Variants in SYNE1 observed in about 807,000 individuals in gnomAD.
SYNE1 encodes nesprin-1.
SYNE1 carries 616 observed loss-of-function variants against 1,111.0 expected under a neutral mutation model. The observed-to-expected ratio is 0.55, with a 90% CI of 0.52 to 0.59. The LOEUF (loss-of-function observed/expected upper bound fraction) is 0.59. Ranked by LOEUF, SYNE1 falls within the 20% of genes least tolerant of loss-of-function variation. SYNE1 has a pLI of 0.00. For missense variants in SYNE1, 10,006 were observed against 10,417.0 expected (o/e 0.96, Z 1.72); for synonymous variants, 3,855 against 3,825.8 (o/e 1.01, Z -0.28).
intron 128 of SYNE1, among the ~76,000 whole-genome samples, chr6:152,183,551 A>G (rs908593145): frequency 1.3e-5 from 2 of 152,164 alleles, no homozygotes; most frequent in Admixed American, 1.3e-4. Flanking sequence ...CAGTGAGCCA[A>G]GATCACACCA....
rs56398921 is a variant in SYNE1, at chr6:152,154,445, T to TACACACAC, written c.24129+439_24129+446dup. 2.6e-3 allele frequency among the ~76,000 whole-genome samples: 372 copies of TACACACAC among 143,274 alleles called. 2 individuals carry two copies. The highest frequency in any genetic ancestry group is 8.5e-3 in the African/African-American group (329 of 38,860). 94.0% of individuals were successfully genotyped at this position (143,274 alleles called of 152,430 possible). A position where few individuals can be genotyped will look rare whatever the true frequency, so the allele number is the denominator to read the frequency against. On this transcript the variant is annotated intron_variant, in intron 133 of 145. Transcript: ENST00000367255. ...TTCTAGAGTCAACTCTTTTATCAAATACACACACACACACACACACACACA... is the reference window on the plus strand; with the variant it reads ...TTCTAGAGTCAACTCTTTTATCAAATACACACACACACACACACACACACACACACACA...
At chr6:152,628,797 A>G (rs1163740870) in intron 2 of SYNE1, among the ~76,000 whole-genome samples, 1 of 152,340 alleles carries the variant, frequency 6.6e-6, no homozygotes, top group African/African-American at 2.4e-5. Flanking sequence ...AAAAGAAGAA[A>G]TGTTCACTTT....
chr6:152,553,542 A>G (rs2099354933), intron 3 of SYNE1, among the ~76,000 whole-genome samples: 1 of 152,110 alleles, frequency 6.6e-6, no homozygotes, highest in Non-Finnish European at 1.5e-5. Flanking sequence ...GCTACAAACT[A>G]TAAAGAGTTC....
rs1227006282 is a variant in SYNE1, at chr6:152,294,119, T to C, written c.17691A>G (p.Ala5897=). The change falls in exon 94 of 146, where the codon GCA becomes GCG. Residue 5897 remains alanine (A), a synonymous_variant. Coordinates refer to ENST00000367255, the MANE Select transcript of SYNE1 (RefSeq NM_182961.4). ...NTDASVNQDI[A]YYQALSAERL... ...TCTCAGCAGACAAGGCTTGGTAATA[T>C]GCAATGTCCTGTGAGTGCAAAGCAC... The C allele has an allele frequency of 6.2e-7, 1 of 1,613,450 alleles. No individual in the cohort carries two copies. The highest frequency in any genetic ancestry group is 1.3e-5 in the African/African-American group (1 of 74,882).
intron 78 of SYNE1, among the ~76,000 whole-genome samples, chr6:152,326,956 C>G (rs1015087176): frequency 1.3e-5 from 2 of 152,116 alleles, no homozygotes; most frequent in Non-Finnish European, 2.9e-5. Context: ...ATGTGGCAGA[C>G]TGGATGTTTA....
At chr6:152,230,522 C>T (rs750119827) in intron 115 of SYNE1, 25 bp downstream of exon 115, 9 of 1,611,828 alleles carry the variant, frequency 5.6e-6, no homozygotes, top group South Asian at 1.1e-5. Context: ...TGAGATGGTG[C>T]ATGTTAGCCA....
rs751721851 is a variant in SYNE1 at position 152,359,363 on chromosome 6, T to G, written c.10395A>C (p.Glu3465Asp). The G allele has an allele frequency of 1.2e-6, 2 of 1,614,002 alleles. No individual in the cohort carries two copies. The highest frequency in any genetic ancestry group is 4.5e-5 in the East Asian group (2 of 44,856). Reference sequence around the variant, plus strand: ...TGTATCGTTCCTGTAGATCCTGGAGTTCTAGCTGGGTGACATAGTGTTCTG... The same window carrying G: ...TGTATCGTTCCTGTAGATCCTGGAGGTCTAGCTGGGTGACATAGTGTTCTG... The part of the protein sequence containing the change: ...GMTEHYVTQL[E>D]LQDLQERYRA... Residue 3465 changes from glutamate (E) to aspartate (D), a missense_variant, in exon 65 of 146, where the codon GAA (glutamate) becomes GAC (aspartate). Physicochemically the swap from Glu to Asp is conservative, Grantham distance 45. This residue lies in a region of SYNE1 where 4,955 missense variants were observed against 5,017.2 expected (regional missense o/e 0.99). Coordinates refer to ENST00000367255, the MANE Select transcript of SYNE1 (RefSeq NM_182961.4).
chr6:152,318,209 C>T lies in SYNE1; in HGVS notation c.16444G>A (p.Ala5482Thr). 6.2e-7 allele frequency: 1 copy of T among 1,614,184 alleles called. No individual in the cohort carries two copies. Among genetic ancestry groups the T allele is most frequent in the Admixed American group, 1.7e-5 (1 of 60,016 alleles). Residue 5482 changes from alanine to threonine, a missense_variant, in exon 86 of 146, where the codon GCA becomes ACA. Physicochemically the swap from Ala to Thr is moderately conservative, Grantham distance 58. Coordinates refer to ENST00000367255, the MANE Select transcript of SYNE1 (RefSeq NM_182961.4). Reference sequence around the variant, plus strand: ...TTCTGTTCCAAGAATTTCTGTACTGCTGCATCTAATTCCATTAACTTTGAA... The same window carrying T: ...TTCTGTTCCAAGAATTTCTGTACTGTTGCATCTAATTCCATTAACTTTGAA... Reference protein sequence around the residue: ...CNSKLMELDAAVQKFLEQNGQ... With the variant: ...CNSKLMELDATVQKFLEQNGQ...
chr6:152,168,289 T>C lies in SYNE1; in HGVS notation c.23628-3964A>G, dbSNP rs191791663. 3 of 617,062 alleles carry C rather than the reference T, an allele frequency of 4.9e-6. No individual in the cohort carries two copies. In the East Asian group the frequency reaches 8.2e-5, roughly 17 times the overall value. The allele number at this position is 617,062 out of a possible 1,614,324, so 38.2% of individuals were successfully genotyped here. On this transcript the variant is annotated intron_variant, in intron 130 of 145. Transcript: ENST00000367255. ...ATGAAAGTTTCCCCTTGTCTGTGTA[T>C]AGAAGTATGAAAATGCTCACTGTAG...
intron 58 of SYNE1, 183 bp downstream of exon 58, chr6:152,376,198 A>G: frequency 1.6e-6 from 1 of 612,920 alleles, no homozygotes; most frequent in Non-Finnish European, 2.9e-6. Flanking sequence ...CTGATCTGAC[A>G]GGAGGTGGAG....
chr6:152,467,081 G>C (rs2098774236), intron 16 of SYNE1, among the ~76,000 whole-genome samples: 1 of 151,894 alleles, frequency 6.6e-6, no homozygotes, highest in Non-Finnish European at 1.5e-5. Context: ...ACTGTTTTGA[G>C]ATAACATTTT....
At position 152,483,105 on chromosome 6, in the gene SYNE1, G is replaced by A. The variant is rs75153800; in HGVS notation, c.1330C>T (p.Arg444Trp). 80 of 1,614,164 alleles carry A rather than the reference G, an allele frequency of 5.0e-5. No homozygotes were observed. Among genetic ancestry groups the A allele is most frequent in the Middle Eastern group, 1.6e-4 (1 of 6,062 alleles). The part of the protein sequence containing the change: ...VHEETANTIQ[R>W]KLEQHKDLLQ... ...TTTACCTTATGTTGCTCAAGTTTCCGTTGTATCGTGTTTGCTGTTTCCTCG... is the reference window on the plus strand; with the variant it reads ...TTTACCTTATGTTGCTCAAGTTTCCATTGTATCGTGTTTGCTGTTTCCTCG... The change falls in exon 14 of 146, where the codon CGG (arginine) becomes TGG (tryptophan). Residue 444 changes from arginine (R) to tryptophan (W), a missense_variant. Arg to Trp is a moderately radical substitution (Grantham distance 101, BLOSUM62 -3). Coordinates refer to ENST00000367255, the MANE Select transcript of SYNE1 (RefSeq NM_182961.4).
intron 98 of SYNE1, chr6:152,277,554 C>CT (rs2093735213): frequency 6.2e-6 from 1 of 162,574 alleles, no homozygotes; most frequent in Admixed American, 6.0e-5. Flanking sequence ...TCCCAAAGTG[C>CT]TGGGATTACA....
chr6:152,431,568 TAAG>T (rs1478716274), intron 34 of SYNE1, among the ~76,000 whole-genome samples: 1 of 152,208 alleles, frequency 6.6e-6, no homozygotes, highest in African/African-American at 2.4e-5. Flanking sequence ...TGTTTGTATA[TAAG>T]AAGATGAAAA....
At chr6:152,194,055 G>A (rs1587472733) in intron 127 of SYNE1, among the ~76,000 whole-genome samples, 1 of 150,558 alleles carries the variant, frequency 6.6e-6, no homozygotes, top group African/African-American at 2.4e-5. Context: ...CAATTGCAAT[G>A]TTATAATATT....
At chr6:152,170,010 GT>G (rs998644744) in intron 130 of SYNE1, among the ~76,000 whole-genome samples, 1 of 151,812 alleles carries the variant, frequency 6.6e-6, no homozygotes, top group Non-Finnish European at 1.5e-5. Flanking sequence ...AGGCAACTTT[GT>G]TTTTTTCTTG....
chr6:152,510,123 GA>G, intron 8 of SYNE1, 69 bp downstream of exon 8: 1 of 1,447,638 alleles, frequency 6.9e-7, no homozygotes. Context: ...GCAATCATTA[GA>G]AGTTGCAATT....
At chr6:152,605,768 T>C (rs1396576140) in intron 3 of SYNE1, among the ~76,000 whole-genome samples, 1 of 152,220 alleles carries the variant, frequency 6.6e-6, no homozygotes, top group Non-Finnish European at 1.5e-5. Context: ...TGCACATCTT[T>C]AAAGGTATTT....
At chr6:152,614,054 A>G (rs1294637921) in intron 3 of SYNE1, among the ~76,000 whole-genome samples, 1 of 152,220 alleles carries the variant, frequency 6.6e-6, no homozygotes, top group Admixed American at 6.5e-5. Context: ...CCTAGGCAAT[A>G]CCATTCAGGA....
Sources: gnomAD v4.1 joint callset for allele counts (sites outside exome capture counted in the v4.1 genomes callset) on GRCh38, gnomAD v4.1.1 for gene constraint, gnomAD v4.1.1 regional missense constraint, MANE v1.5 for transcripts, NCBI Gene and HGNC (gene_info 2026-07-23, HGNC 2026-07-21) for gene names.